Variants in MYOM1 observed in about 807,000 individuals in gnomAD.
The protein encoded by MYOM1 is myomesin 1.
MYOM1 carries 164 observed loss-of-function variants against 205.3 expected under a neutral mutation model. That is an observed-to-expected ratio of 0.80 (90% CI 0.70 to 0.91). The LOEUF (loss-of-function observed/expected upper bound fraction) is 0.91, where lower values mean the gene tolerates loss of function less well. Among genes scored for constraint, MYOM1 ranks in the 40% least tolerant of loss-of-function variants. The pLI is 0.00. For missense variants in MYOM1, 2,011 were observed against 2,127.3 expected, an observed-to-expected ratio of 0.95 and a Z score of 1.08; for synonymous variants, 772 against 789.4, an observed-to-expected ratio of 0.98 and a Z score of 0.37.
chr18:3,091,272 C>T (rs908039745), intron 26 of MYOM1, among the ~76,000 whole-genome samples: 5 of 151,710 alleles, frequency 3.3e-5, no homozygotes, highest in African/African-American at 1.2e-4. Flanking sequence ...GCCGAGATCG[C>T]ACCATTGCAC....
intron 2 of MYOM1, among the ~76,000 whole-genome samples, chr18:3,199,302 A>T (rs926802505): frequency 1.3e-4 from 20 of 152,348 alleles, no homozygotes; most frequent in African/African-American, 4.8e-4. Context: ...CAGCTCAGCT[A>T]GCCTGAGGTT....
At chr18:3,076,280 G>C (rs1484744655) in intron 34 of MYOM1, among the ~76,000 whole-genome samples, 1 of 152,044 alleles carries the variant, frequency 6.6e-6, no homozygotes, top group African/African-American at 2.4e-5. Flanking sequence ...TTTGGGCAGG[G>C]TGGTCTCAAA....
chr18:3,197,140 T>A (rs1232530692), intron 2 of MYOM1, among the ~76,000 whole-genome samples: 3 of 150,642 alleles, frequency 2.0e-5, no homozygotes, highest in African/African-American at 7.3e-5. Flanking sequence ...AACTTCCTTT[T>A]TTTTTTTTTT....
chr18:3,161,097 G>A (rs1219699003), intron 10 of MYOM1, among the ~76,000 whole-genome samples: 1 of 151,948 alleles, frequency 6.6e-6, no homozygotes, highest in Non-Finnish European at 1.5e-5. Flanking sequence ...TGATCCTGGT[G>A]ATTTGGCTAA....
the MYOM1 span, among the ~76,000 whole-genome samples, chr18:3,231,081 G>C: frequency 6.6e-6 from 1 of 152,188 alleles, no homozygotes; most frequent in African/African-American, 2.4e-5. Flanking sequence ...GAGGAAAGCT[G>C]CCCTGCTGAT....
Position 3,100,437 on chromosome 18 carries a change from A to G in MYOM1, c.3576-11T>C, listed in dbSNP as rs2079361363. 1 of 1,601,352 alleles carries G rather than the reference A, an allele frequency of 6.2e-7. No individual in the cohort carries two copies. The highest frequency in any genetic ancestry group is 1.3e-5 in the African/African-American group (1 of 74,704). On this transcript the variant is annotated splice_polypyrimidine_tract_variant and intron_variant, in intron 23 of 37. Coordinates refer to ENST00000356443, the MANE Select transcript of MYOM1 (RefSeq NM_003803.4). ...AAGGTCATTTTCGTCCTTCGGAACAAAATATTTTTCTTAGAAATGAGGCTG... is the reference window on the plus strand; with the variant it reads ...AAGGTCATTTTCGTCCTTCGGAACAGAATATTTTTCTTAGAAATGAGGCTG...
intron 2 of MYOM1, among the ~76,000 whole-genome samples, chr18:3,208,326 C>T (rs2081151221): frequency 6.6e-6 from 1 of 152,158 alleles, no homozygotes; most frequent in Non-Finnish European, 1.5e-5. Context: ...CCAGCCTGAG[C>T]AACATGGTGA....
intron 2 of MYOM1, among the ~76,000 whole-genome samples, chr18:3,201,581 T>C (rs1422063574): frequency 1.3e-5 from 2 of 149,990 alleles, no homozygotes; most frequent in Non-Finnish European, 2.9e-5. Flanking sequence ...CATATGTATA[T>C]AAATTTATAC....
chr18:3,075,653 G>A (rs1394657932), intron 35 of MYOM1, 72 bp downstream of exon 35: 1 of 1,515,112 alleles, frequency 6.6e-7, no homozygotes, highest in Admixed American at 1.7e-5. Context: ...AACACTCAGA[G>A]GGGCGAGCAG....
intron 26 of MYOM1, among the ~76,000 whole-genome samples, chr18:3,092,048 A>G (rs1279079001): frequency 6.6e-6 from 1 of 152,086 alleles, no homozygotes; most frequent in African/African-American, 2.4e-5. Context: ...ATTTTTAATG[A>G]GTAGAATAAT....
chr18:3,181,151 T>C (rs1247236508), intron 5 of MYOM1, among the ~76,000 whole-genome samples: 1 of 152,148 alleles, frequency 6.6e-6, no homozygotes, highest in African/African-American at 2.4e-5. Flanking sequence ...GGTCTCAAAC[T>C]CCTGACCTCA....
the MYOM1 span, among the ~76,000 whole-genome samples, chr18:3,227,240 C>T: frequency 6.6e-6 from 1 of 151,632 alleles, no homozygotes; most frequent in Non-Finnish European, 1.5e-5. Flanking sequence ...TAATTAGCAT[C>T]AAGAACTGTG....
At chr18:3,236,110 T>C in the MYOM1 span, among the ~76,000 whole-genome samples, 1 of 152,242 alleles carries the variant, frequency 6.6e-6, no homozygotes, top group Non-Finnish European at 1.5e-5. Context: ...GCTTTTACTC[T>C]GAGTGAAGTA....
Position 3,215,235 on chromosome 18 carries a change from T to C in MYOM1, c.-12A>G. The C allele has an allele frequency of 6.3e-7, 1 of 1,597,180 alleles. No individual in the cohort carries two copies. The highest frequency in any genetic ancestry group is 8.5e-7 in the Non-Finnish European group (1 of 1,170,294). On this transcript the variant is annotated 5_prime_UTR_variant, in exon 2 of 38. Transcript: ENST00000356443. ...AAAGGCAAAGACATCCTGTGCCCCT[T>C]GAAGGAACCGGGCCACCTGAAGGAA...
chr18:3,220,597 C>G (rs1020957871), upstream of MYOM1, among the ~76,000 whole-genome samples: 2 of 152,156 alleles, frequency 1.3e-5, no homozygotes, highest in Non-Finnish European at 2.9e-5. Flanking sequence ...AAGAGATTCT[C>G]TTTCTTTGTT....
chr18:3,067,478 G>C lies in MYOM1; in HGVS notation c.4842C>G (p.Ala1614=). Residue 1614 remains alanine, a synonymous_variant, in exon 38 of 38, where the codon GCC becomes GCG. Coordinates refer to ENST00000356443, the MANE Select transcript of MYOM1 (RefSeq NM_003803.4). ...VSWLKNEKAL[A]SDDHCNLKFE... ...ACTTGAGGTTGCAGTGGTCGTCTGA[G>C]GCCAGGGCCTTCTCGTTCTTCAACC... 6.2e-7 allele frequency: 1 copy of C among 1,613,824 alleles called. No homozygotes were observed. Among genetic ancestry groups the C allele is most frequent in the Non-Finnish European group, 8.5e-7 (1 of 1,179,904 alleles).
chr18:3,183,578 A>G (rs2080770368), intron 5 of MYOM1, among the ~76,000 whole-genome samples: 1 of 152,164 alleles, frequency 6.6e-6, no homozygotes, highest in Non-Finnish European at 1.5e-5. Flanking sequence ...CCTTTGAAAG[A>G]TGTGGCTAAG....
At chr18:3,230,362 C>T in the MYOM1 span, among the ~76,000 whole-genome samples, 2 of 152,202 alleles carry the variant, frequency 1.3e-5, no homozygotes, top group African/African-American at 4.8e-5. Context: ...ACAAGGAAAA[C>T]CCCAACTTTC....
chr18:3,067,505 C>G lies in MYOM1; in HGVS notation c.4815G>C (p.Ser1605=), dbSNP rs763565843. Residue 1605 remains serine (S), a synonymous_variant, in exon 38 of 38, where the codon TCG becomes TCC. Coordinates refer to ENST00000356443, the MANE Select transcript of MYOM1 (RefSeq NM_003803.4). The part of the protein sequence containing the change: ...NVWGDPPPEV[S]WLKNEKALAS... ...CCAGGGCCTTCTCGTTCTTCAACCA[C>G]GACACCTCCGGAGGCGGGTCTCCCC... 2.5e-6 allele frequency: 4 copies of G among 1,613,860 alleles called. No individual in the cohort carries two copies. Among genetic ancestry groups the G allele is most frequent in the Non-Finnish European group, 3.4e-6 (4 of 1,179,894 alleles).
Sources: allele counts gnomAD v4.1 joint callset (sites outside exome capture counted in the v4.1 genomes callset), GRCh38; gene constraint gnomAD v4.1.1; transcripts MANE v1.5; gene names NCBI Gene and HGNC (gene_info 2026-07-23, HGNC 2026-07-21).